The following STK32B variants were observed in gnomAD, a reference collection of about 807,000 sequenced individuals.
The protein encoded by STK32B is serine/threonine kinase 32B, also known as serine/threonine-protein kinase 32B.
A neutral mutation model predicts 52.6 loss-of-function variants in STK32B; 43 were observed. That is an observed-to-expected ratio of 0.82 (90% CI 0.64 to 1.05). The LOEUF (loss-of-function observed/expected upper bound fraction) is 1.05, where lower values mean the gene tolerates loss of function less well. STK32B is among the 50% of genes least tolerant of loss of function. The pLI is 0.00. For synonymous variants in STK32B, 238 were observed against 204.3 expected, an observed-to-expected ratio of 1.17 and a Z score of -1.41; for missense variants, 621 against 534.6, an observed-to-expected ratio of 1.16 and a Z score of -1.59.
intron 1 of STK32B, among the ~76,000 whole-genome samples, chr4:5,071,453 CAA>C (rs1485564320): frequency 2.6e-5 from 4 of 152,090 alleles, no homozygotes; most frequent in African/African-American, 9.7e-5. Flanking sequence ...TTATCAGACT[CAA>C]TATAATTGTG....
chr4:5,377,453 T>C (rs1735655712), intron 4 of STK32B, among the ~76,000 whole-genome samples: 2 of 152,160 alleles, frequency 1.3e-5, no homozygotes, highest in South Asian at 2.1e-4. Context: ...ACTCTTTTTG[T>C]CAATTCTTTT....
rs1482541453 is a variant in STK32B at position 5,229,147 on chromosome 4, G to A, written c.260+60697G>A. On this transcript the variant is annotated intron_variant, in intron 3 of 11. Coordinates refer to ENST00000282908, the MANE Select transcript of STK32B (RefSeq NM_018401.3). ...TGATGGACTTGCTTGACACAGGGTT[G>A]CCAGATACTTTCAATTTGTAAAAAA... Among the ~76,000 whole-genome samples the A allele has an allele frequency of 2.0e-5, 3 of 151,414 alleles. No individual in the cohort carries two copies. The East Asian group carries it at 5.8e-4, about 29-fold the overall frequency.
chr4:5,068,645 AATT>A (rs1252247966), intron 1 of STK32B, among the ~76,000 whole-genome samples: 3 of 152,004 alleles, frequency 2.0e-5, no homozygotes, highest in Non-Finnish European at 4.4e-5. Context: ...CCACCTGCAG[AATT>A]ATTATTATTT....
intron 5 of STK32B, among the ~76,000 whole-genome samples, chr4:5,407,547 A>G (rs1044376262): frequency 1.3e-5 from 2 of 152,138 alleles, no homozygotes; most frequent in African/African-American, 2.4e-5. Context: ...TCACAGTTCC[A>G]CAGGCTGTAC....
chr4:5,301,610 G>A (rs1729558064), intron 3 of STK32B, among the ~76,000 whole-genome samples: 1 of 147,596 alleles, frequency 6.8e-6, no homozygotes, highest in Non-Finnish European at 1.5e-5. Flanking sequence ...TGTAAAGTTG[G>A]TAGTAGTGTT....
At chr4:5,477,707 G>A (rs1718349858) in intron 11 of STK32B, among the ~76,000 whole-genome samples, 1 of 152,170 alleles carries the variant, frequency 6.6e-6, no homozygotes, top group Non-Finnish European at 1.5e-5. Context: ...GGAGAGTTTT[G>A]CCCTTGGGAA....
chr4:5,151,254 T>C (rs9291071), intron 2 of STK32B, among the ~76,000 whole-genome samples: 119,148 of 152,136 alleles, frequency 0.78, 46,724 homozygotes, highest in East Asian at 0.93. Context: ...TTGTTCAGGT[T>C]AAAATGCTAA....
chr4:5,240,278 A>G (rs1341129827), intron 3 of STK32B, among the ~76,000 whole-genome samples: 2 of 151,408 alleles, frequency 1.3e-5, no homozygotes, highest in South Asian at 2.1e-4. Context: ...TTTCCCGCCA[A>G]TCTTGAATCT....
chr4:5,310,585 G>A (rs1730228789), intron 3 of STK32B, among the ~76,000 whole-genome samples: 1 of 152,074 alleles, frequency 6.6e-6, no homozygotes, highest in South Asian at 2.1e-4. Flanking sequence ...CACACTGTAG[G>A]TGGGAATTCA....
chr4:5,208,890 G>C (rs1439131219), intron 3 of STK32B, among the ~76,000 whole-genome samples: 1 of 152,202 alleles, frequency 6.6e-6, no homozygotes, highest in East Asian at 1.9e-4. Flanking sequence ...TGCCTGACAA[G>C]CAATCTTCAT....
intron 3 of STK32B, among the ~76,000 whole-genome samples, chr4:5,264,845 C>T (rs747786343): frequency 6.6e-6 from 1 of 152,024 alleles, no homozygotes; most frequent in African/African-American, 2.4e-5. Context: ...GATGAAAGTT[C>T]TTTGTCATGA....
At chr4:5,364,491 G>A (rs1219036879) in intron 4 of STK32B, among the ~76,000 whole-genome samples, 1 of 152,216 alleles carries the variant, frequency 6.6e-6, no homozygotes, top group Non-Finnish European at 1.5e-5. Context: ...TACAGTGGAA[G>A]GGGGTTTCTC....
intron 3 of STK32B, among the ~76,000 whole-genome samples, chr4:5,233,348 G>T (rs1381452337): frequency 6.6e-6 from 1 of 152,136 alleles, no homozygotes; most frequent in East Asian, 1.9e-4. Context: ...CTGTGGAAGT[G>T]TGGCAGAAAG....
intron 3 of STK32B, among the ~76,000 whole-genome samples, chr4:5,212,027 CA>C (rs1722934960): frequency 6.6e-6 from 1 of 152,194 alleles, no homozygotes; most frequent in Non-Finnish European, 1.5e-5. Context: ...AACACTCGTG[CA>C]GCAAATAATT....
intron 3 of STK32B, among the ~76,000 whole-genome samples, chr4:5,198,570 G>A (rs1415113720): frequency 6.6e-6 from 1 of 152,212 alleles, no homozygotes; most frequent in Non-Finnish European, 1.5e-5. Flanking sequence ...GGTCTGTCTG[G>A]TAGGAGAGAA....
intron 3 of STK32B, among the ~76,000 whole-genome samples, chr4:5,294,200 A>G (rs967930702): frequency 6.6e-5 from 10 of 152,240 alleles, no homozygotes; most frequent in African/African-American, 2.2e-4. Flanking sequence ...GCCTTGTAGT[A>G]TAGTTTGAAG....
At chr4:5,123,442 T>C (rs1295452024) in intron 1 of STK32B, among the ~76,000 whole-genome samples, 2 of 152,100 alleles carry the variant, frequency 1.3e-5, no homozygotes, top group African/African-American at 4.8e-5. Context: ...AATGCTAGCA[T>C]CATTGTTATC....
At position 5,400,829 on chromosome 4, in the gene STK32B, C is replaced by A. The variant is rs994357293; in HGVS notation, c.472+2585C>A. Among the ~76,000 whole-genome samples the A allele has an allele frequency of 1.3e-5, 2 of 152,160 alleles. No individual in the cohort carries two copies. Among genetic ancestry groups the A allele is most frequent in the African/African-American group, 4.8e-5 (2 of 41,436 alleles). On this transcript the variant is annotated intron_variant, in intron 5 of 11. Transcript: ENST00000282908. This position sits in a 1 kb window ranked among gnomAD's most constrained non-coding sequence, Gnocchi z 6.1. ...TCCCTCAGTAAACATCTCTTGAGCA[C>A]CTGCTGTGTGCCAAGTTCTGGTTAA... is the stretch of plus-strand genomic sequence containing the variant.
rs560996310 is a variant in STK32B, at chr4:5,172,039, G to T, written c.260+3589G>T. Among the ~76,000 whole-genome samples the T allele has an allele frequency of 1.6e-4, 24 of 152,126 alleles. No homozygotes were observed. In the East Asian group the frequency reaches 4.6e-3, roughly 29 times the overall value. Reference sequence around the variant, plus strand: ...GGTCCTTCACATCCCTTGTAAGCTGGATTCCTAGGTATTTTATTCTCTTTG... The same window carrying T: ...GGTCCTTCACATCCCTTGTAAGCTGTATTCCTAGGTATTTTATTCTCTTTG... On this transcript the variant is annotated intron_variant, in intron 3 of 11. Transcript: ENST00000282908.
Sources: gnomAD v4.1 joint callset for allele counts (sites outside exome capture counted in the v4.1 genomes callset) on GRCh38, gnomAD v4.1.1 for gene constraint, Gnocchi (gnomAD v3.1) non-coding constraint, MANE v1.5 for transcripts, NCBI Gene and HGNC (gene_info 2026-07-23, HGNC 2026-07-21) for gene names.